The following SIPA1L3 variants were observed in gnomAD, a reference collection of about 807,000 sequenced individuals.
SIPA1L3 encodes signal induced proliferation associated 1 like 3, also known as signal-induced proliferation-associated 1-like protein 3.
Under a neutral mutation model 150.1 loss-of-function variants are expected in SIPA1L3, and 59 were observed. That is an observed-to-expected ratio of 0.39 (90% CI 0.32 to 0.49). The LOEUF is 0.49. Ranked by LOEUF, SIPA1L3 falls within the 20% of genes least tolerant of loss-of-function variation. SIPA1L3 has a pLI of 0.86. For synonymous variants in SIPA1L3, 1,070 were observed against 1,077.6 expected, an observed-to-expected ratio of 0.99 and a Z score of 0.14; for missense variants, 2,211 against 2,489.5, an observed-to-expected ratio of 0.89 and a Z score of 2.38.
chr19:37,916,575 C>T (rs1168603139), intron 1 of SIPA1L3, among the ~76,000 whole-genome samples: 3 of 151,760 alleles, frequency 2.0e-5, no homozygotes, highest in African/African-American at 7.3e-5. Flanking sequence ...CTTCACCTAC[C>T]CTGTGTGTCA....
chr19:38,130,433 C>T (rs1971278021), intron 9 of SIPA1L3, 65 bp from the exon 10 acceptor site: 27 of 1,535,006 alleles, frequency 1.8e-5, no homozygotes, highest in Non-Finnish European at 2.2e-5. Flanking sequence ...GGAACGTGAC[C>T]AGGGGTCTTC....
Position 38,083,060 on chromosome 19 carries a change from C to T in SIPA1L3, c.1495C>T (p.Leu499=). The change falls in exon 3 of 22, where the codon CTG becomes TTG. Residue 499 remains leucine, a synonymous_variant. Coordinates refer to ENST00000222345, the MANE Select transcript of SIPA1L3 (RefSeq NM_015073.3). The part of the protein sequence containing the change: ...PRQYSIEHVD[L]GARYYQDYFV... ...GCAGTACAGCATCGAGCATGTGGAC[C>T]TGGGCGCCCGCTACTACCAGGATTA... 1 of 1,612,518 alleles carries T rather than the reference C, an allele frequency of 6.2e-7. No individual in the cohort carries two copies. Among genetic ancestry groups the T allele is most frequent in the Non-Finnish European group, 8.5e-7 (1 of 1,179,968 alleles).
chr19:37,959,239 C>T (rs922716039), intron 1 of SIPA1L3, among the ~76,000 whole-genome samples: 6 of 152,158 alleles, frequency 3.9e-5, no homozygotes, highest in Non-Finnish European at 7.3e-5. Flanking sequence ...TTCAGAGTAG[C>T]GTTATTCGTA....
Position 38,088,825 on chromosome 19 carries a change from T to C in SIPA1L3, c.1639T>C (p.Tyr547His). 2 of 1,614,040 alleles carry C rather than the reference T, an allele frequency of 1.2e-6. No individual in the cohort carries two copies. Among genetic ancestry groups the C allele is most frequent in the Non-Finnish European group, 1.7e-6 (2 of 1,179,958 alleles). Residue 547 changes from tyrosine (Y) to histidine (H), a missense_variant, in exon 4 of 22, where the codon TAC (tyrosine) becomes CAC (histidine). Physicochemically the swap from Tyr to His is moderately conservative, Grantham distance 83. This residue lies in a region of SIPA1L3 where 625 missense variants were observed against 804.2 expected (regional missense o/e 0.78). Coordinates refer to ENST00000222345, the MANE Select transcript of SIPA1L3 (RefSeq NM_015073.3). ...CAAGGAGCACGGACCTCAGTACCAG[T>C]ACAGGATCATCTTCCGGACCCGCGA... is the stretch of plus-strand genomic sequence containing the variant. ...DHKEHGPQYQYRIIFRTRELI... is the reference protein window; with the variant it reads ...DHKEHGPQYQHRIIFRTRELI...
chr19:37,915,348 G>C (rs2046406579), intron 1 of SIPA1L3, among the ~76,000 whole-genome samples: 1 of 152,044 alleles, frequency 6.6e-6, no homozygotes, highest in African/African-American at 2.4e-5. Flanking sequence ...AGGGGACTTG[G>C]GACTTGGCTG....
chr19:38,001,643 T>C (rs1478781101), intron 1 of SIPA1L3, among the ~76,000 whole-genome samples: 1 of 152,210 alleles, frequency 6.6e-6, no homozygotes, highest in Non-Finnish European at 1.5e-5. Context: ...CCCAGGCTGG[T>C]CTCAAATTCC....
chr19:37,999,670 T>C (rs1967735499), intron 1 of SIPA1L3, among the ~76,000 whole-genome samples: 1 of 152,236 alleles, frequency 6.6e-6, no homozygotes, highest in African/African-American at 2.4e-5. Context: ...AGAATGTTTC[T>C]TGGGTAGCCC....
chr19:38,176,094 C>G (rs1037699976), intron 15 of SIPA1L3, among the ~76,000 whole-genome samples: 11 of 152,130 alleles, frequency 7.2e-5, no homozygotes, highest in African/African-American at 2.2e-4. Context: ...GTAATCCCAT[C>G]TACTTAGGAG....
chr19:37,909,985 AAAAAAAGCAGCACGTGGCTTTTTAGC>A (rs929821727), intron 1 of SIPA1L3, among the ~76,000 whole-genome samples: 1 of 152,184 alleles, frequency 6.6e-6, no homozygotes, highest in African/African-American at 2.4e-5. Context: ...AAAAAAAAAA[AAAAAAAGCAGCACGTGGCTTTTTAGC>A]AGTCAGTGTA....
chr19:38,110,479 CGTT>C (rs1970714344), intron 8 of SIPA1L3, 95 bp downstream of exon 8: 2 of 1,013,042 alleles, frequency 2.0e-6, no homozygotes, highest in Admixed American at 4.4e-5. Flanking sequence ...CCACACCTCA[CGTT>C]GTGCTTCAGG....
At chr19:37,927,872 G>A (rs878920039) in intron 1 of SIPA1L3, among the ~76,000 whole-genome samples, 1 of 152,122 alleles carries the variant, frequency 6.6e-6, no homozygotes, top group African/African-American at 2.4e-5. Context: ...CAATAGACAT[G>A]ATTTCATTCT....
At chr19:37,910,530 GAAAAAAA>G (rs571813302) in intron 1 of SIPA1L3, among the ~76,000 whole-genome samples, 1 of 104,004 alleles carries the variant, frequency 9.6e-6, no homozygotes, top group Admixed American at 1.0e-4. Flanking sequence ...CCCTGTCTCA[GAAAAAAA>G]AAAAAAAAAA....
chr19:38,192,778 G>A (rs961982089), intron 17 of SIPA1L3, among the ~76,000 whole-genome samples: 1 of 152,100 alleles, frequency 6.6e-6, no homozygotes, highest in Non-Finnish European at 1.5e-5. Flanking sequence ...TGCCCTACTC[G>A]TCCTCACTGC....
At chr19:38,110,496 A>G in intron 8 of SIPA1L3, 112 bp downstream of exon 8, 1 of 846,210 alleles carries the variant, frequency 1.2e-6, no homozygotes. Context: ...CTTCAGGAGA[A>G]GAGCTCGGCG....
At chr19:38,196,709 A>T (rs1000341095) in intron 18 of SIPA1L3, among the ~76,000 whole-genome samples, 1 of 151,760 alleles carries the variant, frequency 6.6e-6, no homozygotes. Flanking sequence ...CAAGGAGGTC[A>T]AGGGAGGAAC....
At chr19:38,059,712 C>G (rs1255552216) in intron 2 of SIPA1L3, among the ~76,000 whole-genome samples, 2 of 152,260 alleles carry the variant, frequency 1.3e-5, no homozygotes, top group East Asian at 1.9e-4. Context: ...CTCAGGTAAC[C>G]CGGGTCCAGA....
chr19:38,059,396 C>T (rs541823609), intron 2 of SIPA1L3, among the ~76,000 whole-genome samples: 72 of 151,566 alleles, frequency 4.8e-4, no homozygotes, highest in Admixed American at 2.0e-3. Flanking sequence ...CTCCACCTCC[C>T]AGGTTCAAGT....
intron 1 of SIPA1L3, among the ~76,000 whole-genome samples, chr19:37,997,985 A>G (rs1220694827): frequency 6.6e-6 from 1 of 152,076 alleles, no homozygotes; most frequent in Admixed American, 6.6e-5. Flanking sequence ...TGGTGTTGCC[A>G]TTTAAACTTG....
chr19:38,090,635 G>A (rs1970237709), intron 4 of SIPA1L3, among the ~76,000 whole-genome samples: 1 of 152,202 alleles, frequency 6.6e-6, no homozygotes, highest in South Asian at 2.1e-4. Flanking sequence ...CAGAAAAGTG[G>A]CATTTGCCAG....
Sources: gnomAD v4.1 joint callset for allele counts (sites outside exome capture counted in the v4.1 genomes callset) on GRCh38, gnomAD v4.1.1 for gene constraint, gnomAD v4.1.1 regional missense constraint, MANE v1.5 for transcripts, NCBI Gene and HGNC (gene_info 2026-07-23, HGNC 2026-07-21) for gene names.